Variants in NUP214 observed in about 807,000 individuals in gnomAD.
NUP214 encodes nucleoporin 214.
A neutral mutation model predicts 196.2 loss-of-function variants in NUP214; 79 were observed. That is an observed-to-expected ratio of 0.40 (90% CI 0.34 to 0.49). NUP214 has a LOEUF of 0.49. Ranked by LOEUF, NUP214 falls within the 20% of genes least tolerant of loss-of-function variation. The pLI, the probability that NUP214 is intolerant of heterozygous loss-of-function variation, is 0.58. For synonymous variants in NUP214, 1,020 were observed against 990.5 expected, an observed-to-expected ratio of 1.03 and a Z score of -0.56; for missense variants, 2,468 against 2,539.0, an observed-to-expected ratio of 0.97 and a Z score of 0.60.
intron 33 of NUP214, chr9:131,229,661 AGGTCCCT>A: frequency 2.0e-6 from 1 of 505,568 alleles, no homozygotes; most frequent in South Asian, 1.4e-5. Flanking sequence ...ACCTTCTTCC[AGGTCCCT>A]GGCCATGAGC....
intron 32 of NUP214, among the ~76,000 whole-genome samples, chr9:131,223,727 A>ATTTATTTATTTATTTTTTTTTTT: frequency 3.8e-4 from 6 of 15,658 alleles, no homozygotes; most frequent in Non-Finnish European, 4.3e-4. Flanking sequence ...TTATTTATTT[A>ATTTATTTATTTATTTTTTTTTTT]TTTTTTTTTT....
At position 131,232,211 on chromosome 9, in the gene NUP214, C is replaced by G. The variant is rs543325033; in HGVS notation, c.6215-73C>G. 1.0e-5 allele frequency: 16 copies of G among 1,527,460 alleles called. No individual in the cohort carries two copies. In the South Asian group the frequency reaches 1.8e-4, roughly 17 times the overall value. 94.6% of individuals were successfully genotyped at this position (1,527,460 alleles called of 1,614,324 possible). On this transcript the variant is annotated intron_variant, in intron 34 of 35. Coordinates refer to ENST00000359428, the MANE Select transcript of NUP214 (RefSeq NM_005085.4). The surrounding 1 kb of genome is among the most constrained non-coding windows in gnomAD (Gnocchi z 5.1). ...CACAAGAAGCACAGAGGAGGGCAGA[C>G]ACTTAGCATGGGGACCACCTTTGTC...
Position 131,133,207 on chromosome 9 carries a change from C to A in NUP214, c.829C>A (p.Pro277Thr), listed in dbSNP as rs770231554. The A allele has an allele frequency of 1.3e-5, 20 of 1,517,892 alleles. No individual in the cohort carries two copies. Among genetic ancestry groups the A allele is most frequent in the Non-Finnish European group, 1.8e-5 (20 of 1,133,010 alleles). The allele number at this position is 1,517,892 out of a possible 1,614,324, so 94.0% of individuals were successfully genotyped here. The change falls in exon 7 of 36, where the codon CCG (proline) becomes ACG (threonine). Residue 277 changes from proline to threonine, a missense_variant and splice_region_variant. Physicochemically the swap from Pro to Thr is conservative, Grantham distance 38 (BLOSUM62 -1). Around this residue, in one of 5 missense-constraint regions of NUP214, gnomAD observed 392 missense variants for 417.9 expected, o/e 0.94. Coordinates refer to ENST00000359428, the MANE Select transcript of NUP214 (RefSeq NM_005085.4). ...TSPDVVMALL[P>T]KKEEKHPEIF... is the part of the protein sequence containing the mutation. ...TCCAGATGTGGTGATGGCTCTACTA[C>A]CGGTATGCCTGTGGAAGAAATTTCA...
chr9:131,197,277 C>G lies in NUP214; in HGVS notation c.3783C>G (p.Ser1261Arg). ...QPDAFSSGGG[S>R]KPSYEAIPES... ...ACGCATTCTCATCTGGTGGGGGAAGCAAACCTTCTTATGAGGCCATTCCTG... is the reference window on the plus strand; with the variant it reads ...ACGCATTCTCATCTGGTGGGGGAAGGAAACCTTCTTATGAGGCCATTCCTG... Residue 1261 changes from serine (S) to arginine (R), a missense_variant, in exon 29 of 36, where the codon AGC becomes AGG. Around this residue, in one of 5 missense-constraint regions of NUP214, gnomAD observed 1,801 missense variants for 1,779.4 expected, o/e 1.01. Coordinates refer to ENST00000359428, the MANE Select transcript of NUP214 (RefSeq NM_005085.4). 6.2e-7 allele frequency: 1 copy of G among 1,614,204 alleles called. No individual in the cohort carries two copies. Among genetic ancestry groups the G allele is most frequent in the Non-Finnish European group, 8.5e-7 (1 of 1,180,030 alleles).
intron 21 of NUP214, among the ~76,000 whole-genome samples, chr9:131,171,547 CTT>C (rs11334591): frequency 0.25 from 31,898 of 127,502 alleles, 3,788 homozygotes; most frequent in East Asian, 0.41. Flanking sequence ...GGAAGATTTT[CTT>C]TTTTTTTTTT....
chr9:131,215,704 A>G (rs1268969223), intron 31 of NUP214, among the ~76,000 whole-genome samples: 3 of 152,132 alleles, frequency 2.0e-5, no homozygotes, highest in Non-Finnish European at 2.9e-5. Context: ...AATGAGCAGC[A>G]GCAGAGCAAG....
chr9:131,128,922 T>C (rs1366204239), intron 3 of NUP214: 1 of 332,302 alleles, frequency 3.0e-6, no homozygotes, highest in Non-Finnish European at 5.7e-6. Context: ...ATCTTCATTT[T>C]ATAGGTAGAG....
chr9:131,127,496 T>C, intron 1 of NUP214, 28 bp from the exon 2 acceptor site: 1 of 1,561,526 alleles, frequency 6.4e-7, no homozygotes, highest in Non-Finnish European at 8.7e-7. Flanking sequence ...CTTTATTGAA[T>C]TGATCTCGTT....
In NUP214 at chr9:131,144,511, C is replaced by G; in HGVS notation, c.1526C>G (p.Ser509Cys). The part of the protein sequence containing the change: ...PPSYSSGSDS[S>C]KAAPGPGPST... ...TCATATTCCAGTGGCTCCGACAGCT[C>G]CAAAGCAGCCCCAGGCCCTGGCCCA... Residue 509 changes from serine to cysteine, a missense_variant, in exon 12 of 36, where the codon TCC (serine) becomes TGC (cysteine). Physicochemically the swap from Ser to Cys is moderately radical, Grantham distance 112. This residue lies in a region of NUP214 where 1,801 missense variants were observed against 1,779.4 expected (regional missense o/e 1.01). Coordinates refer to ENST00000359428, the MANE Select transcript of NUP214 (RefSeq NM_005085.4). 2 of 1,614,170 alleles carry G rather than the reference C, an allele frequency of 1.2e-6. No individual in the cohort carries two copies. Among genetic ancestry groups the G allele is most frequent in the Non-Finnish European group, 1.7e-6 (2 of 1,180,020 alleles).
At chr9:131,219,373 TAG>T (rs1216746481) in intron 31 of NUP214, among the ~76,000 whole-genome samples, 2 of 152,224 alleles carry the variant, frequency 1.3e-5, no homozygotes, top group Non-Finnish European at 2.9e-5. Context: ...GACCCCATTA[TAG>T]AGAGTTATTT....
intron 33 of NUP214, 123 bp downstream of exon 33, chr9:131,228,454 A>G (rs1390276460): frequency 3.3e-6 from 3 of 904,880 alleles, no homozygotes; most frequent in African/African-American, 3.5e-5. Context: ...GAAATTTGTG[A>G]ACAACTCCCT....
In NUP214 at chr9:131,231,202, TA is replaced by T. The variant is rs536732796; in HGVS notation, c.6214+434del. Among the ~76,000 whole-genome samples the T allele has an allele frequency of 4.3e-3, 653 of 152,120 alleles. 4 individuals are homozygous for T. The highest frequency in any genetic ancestry group is 0.015 in the African/African-American group (623 of 41,488). On this transcript the variant is annotated intron_variant, in intron 34 of 35. Coordinates refer to ENST00000359428, the MANE Select transcript of NUP214 (RefSeq NM_005085.4). ...AGTGGTTGAAACATATATATATATA[TA>T]TATTTTTGAGACGGAGTCTCGCTCT...
chr9:131,192,369 A>G, intron 27 of NUP214, 77 bp downstream of exon 27: 2 of 870,224 alleles, frequency 2.3e-6, no homozygotes, highest in Non-Finnish European at 3.7e-6. Flanking sequence ...AGATATATTT[A>G]TTTACTTATT....
chr9:131,201,837 T>G (rs1833950142), intron 30 of NUP214, 120 bp downstream of exon 30: 1 of 840,214 alleles, frequency 1.2e-6, no homozygotes, highest in African/African-American at 1.7e-5. Context: ...CCTGTGTGGT[T>G]CTTAAGCTGT....
chr9:131,201,843 G>T (rs962107570), intron 30 of NUP214, 126 bp downstream of exon 30: 5 of 798,202 alleles, frequency 6.3e-6, no homozygotes, highest in Non-Finnish European at 4.3e-6. Flanking sequence ...TGGTTCTTAA[G>T]CTGTACTCCC....
chr9:131,156,674 A>AT (rs1832459880), intron 17 of NUP214, among the ~76,000 whole-genome samples: 1 of 149,014 alleles, frequency 6.7e-6, no homozygotes, highest in African/African-American at 2.5e-5. Flanking sequence ...GTGTACATTG[A>AT]TTTTGTATCC....
intron 5 of NUP214, among the ~76,000 whole-genome samples, chr9:131,131,904 G>A (rs531528978): frequency 1.3e-5 from 2 of 152,038 alleles, no homozygotes; most frequent in East Asian, 3.9e-4. Context: ...GCCCAGGCTG[G>A]TCTCAAACTC....
chr9:131,225,088 C>T (rs956278031), intron 32 of NUP214, among the ~76,000 whole-genome samples: 1 of 150,750 alleles, frequency 6.6e-6, no homozygotes, highest in Non-Finnish European at 1.5e-5. Flanking sequence ...CATAGTGAGA[C>T]CCCATCTCTA....
rs1013358200 is a variant in NUP214 at position 131,144,391 on chromosome 9, C to G, written c.1406C>G (p.Thr469Ser). ...PPSSPAAPIA[T>S]FSLLPAGGAP... ...TCATCACCTGCTGCTCCCATTGCCACTTTTTCTTTGCTTCCTGCTGGTGGA... is the reference window on the plus strand; with the variant it reads ...TCATCACCTGCTGCTCCCATTGCCAGTTTTTCTTTGCTTCCTGCTGGTGGA... The change falls in exon 12 of 36, where the codon ACT (threonine) becomes AGT (serine). Residue 469 changes from threonine to serine, a missense_variant. By Grantham distance (58) the Thr-to-Ser change is moderately conservative. Around this residue, in one of 5 missense-constraint regions of NUP214, gnomAD observed 1,801 missense variants for 1,779.4 expected, o/e 1.01. Coordinates refer to ENST00000359428, the MANE Select transcript of NUP214 (RefSeq NM_005085.4). The G allele has an allele frequency of 6.2e-7, 1 of 1,614,076 alleles. No individual in the cohort carries two copies. The highest frequency in any genetic ancestry group is 1.3e-5 in the African/African-American group (1 of 74,926).
Sources: allele counts gnomAD v4.1 joint callset (sites outside exome capture counted in the v4.1 genomes callset), GRCh38; gene constraint gnomAD v4.1.1; regional missense constraint gnomAD v4.1.1; non-coding constraint Gnocchi (gnomAD v3.1); transcripts MANE v1.5; gene names NCBI Gene and HGNC (gene_info 2026-07-23, HGNC 2026-07-21).